The following IL1RAPL2 variants were observed in gnomAD, a reference collection of about 807,000 sequenced individuals.
The protein encoded by IL1RAPL2 is X-linked interleukin-1 receptor accessory protein-like 2.
In IL1RAPL2, 3 loss-of-function variants were observed where a neutral mutation model predicts 44.1. The ratio of observed to expected loss-of-function variants is 0.07; its 90% confidence interval spans 0.03 to 0.18. The LOEUF is 0.18. IL1RAPL2 is among the 10% of genes least tolerant of loss of function. The pLI, the probability that IL1RAPL2 is intolerant of heterozygous loss-of-function variation, is 1.00. For missense variants in IL1RAPL2, 391 were observed against 496.4 expected (o/e 0.79, Z 2.02); for synonymous variants, 181 against 178.8 (o/e 1.01, Z -0.10).
At chrX:105,012,649 A>T (rs868240962) in intron 2 of IL1RAPL2, among the ~76,000 whole-genome samples, 153 of 50,050 alleles carry the variant, frequency 3.1e-3, no homozygotes, top group Admixed American at 5.4e-3. Context: ...TCTCTCTCAC[A>T]CACACACACA....
chrX:104,813,850 A>G (rs1364359385), intron 2 of IL1RAPL2, among the ~76,000 whole-genome samples: 1 of 111,845 alleles, frequency 8.9e-6, no homozygotes, highest in African/African-American at 3.2e-5. Context: ...ATGCCAGTAA[A>G]GCAGCATTTG....
At chrX:104,914,309 G>A (rs750788069) in intron 2 of IL1RAPL2, among the ~76,000 whole-genome samples, 4 of 111,919 alleles carry the variant, frequency 3.6e-5, no homozygotes, top group African/African-American at 1.3e-4. Flanking sequence ...AGGGTAATGT[G>A]GGTTTGGAGT....
rs187920217 is a variant in IL1RAPL2 at position 105,405,915 on chromosome X, A to G, written c.698-78398A>G. 5.1e-6 allele frequency: 6 copies of G among 1,167,378 alleles called. No individual in the cohort carries two copies. In the East Asian group the frequency reaches 1.8e-4, roughly 35 times the overall value. On this transcript the variant is annotated intron_variant, in intron 5 of 10. Coordinates refer to ENST00000372582, the MANE Select transcript of IL1RAPL2 (RefSeq NM_017416.2). ...TGGACTGATTGATGATATTGCTTTG[A>G]TCAGGGATGATGATGTTTTGTTTGT...
At chrX:105,082,458 C>G (rs2032424059) in intron 2 of IL1RAPL2, among the ~76,000 whole-genome samples, 1 of 111,564 alleles carries the variant, frequency 9.0e-6, no homozygotes. Context: ...TACTAAGGAT[C>G]AGACTGCTTC....
intron 1 of IL1RAPL2, among the ~76,000 whole-genome samples, chrX:104,589,628 G>A (rs1928626523): frequency 8.9e-6 from 1 of 112,437 alleles, no homozygotes; most frequent in South Asian, 3.6e-4. Flanking sequence ...TTTGCGACAT[G>A]TAGGCATAAC....
At chrX:105,143,895 C>T (rs62603008) in intron 2 of IL1RAPL2, among the ~76,000 whole-genome samples, 217 of 109,632 alleles carry the variant, frequency 2.0e-3, no homozygotes, top group Admixed American at 2.8e-3. Flanking sequence ...TGTTAAACGA[C>T]GAGTTAATGG....
chrX:105,726,732 C>T (rs2038355124), intron 7 of IL1RAPL2, among the ~76,000 whole-genome samples: 1 of 110,979 alleles, frequency 9.0e-6, no homozygotes, highest in Non-Finnish European at 1.9e-5. Context: ...AACCCAGTCC[C>T]TAGTTAACCC....
chrX:105,013,177 A>G (rs2031096944), intron 2 of IL1RAPL2, among the ~76,000 whole-genome samples: 1 of 110,978 alleles, frequency 9.0e-6, no homozygotes, highest in Non-Finnish European at 1.9e-5. Flanking sequence ...AAGAGAAGAG[A>G]GTATATGTGT....
intron 3 of IL1RAPL2, among the ~76,000 whole-genome samples, chrX:105,223,557 T>G (rs1337913447): frequency 8.9e-6 from 1 of 112,133 alleles, no homozygotes; most frequent in African/African-American, 3.2e-5. Context: ...CCACTTCCGC[T>G]TATAAACACT....
At chrX:104,848,490 T>C (rs934451366) in intron 2 of IL1RAPL2, among the ~76,000 whole-genome samples, 4 of 102,333 alleles carry the variant, frequency 3.9e-5, no homozygotes, top group African/African-American at 1.4e-4. Context: ...AAATCTTGTT[T>C]TTATTGTTCT....
intron 2 of IL1RAPL2, among the ~76,000 whole-genome samples, chrX:104,781,905 A>G (rs1381214420): frequency 1.8e-5 from 2 of 111,373 alleles, no homozygotes; most frequent in Non-Finnish European, 3.8e-5. Context: ...GCATTTGAGA[A>G]TTGATTAAGT....
chrX:105,165,811 C>T (rs1163250917), intron 2 of IL1RAPL2, among the ~76,000 whole-genome samples: 5 of 111,692 alleles, frequency 4.5e-5, no homozygotes, highest in African/African-American at 1.6e-4. Context: ...CTGTATTCAT[C>T]TAGCTATTGG....
chrX:105,483,206 A>C (rs1248049336), intron 5 of IL1RAPL2, among the ~76,000 whole-genome samples: 1 of 109,690 alleles, frequency 9.1e-6, no homozygotes, highest in Non-Finnish European at 1.9e-5. Context: ...ACTTCCTTTG[A>C]GTCATTTTTT....
chrX:104,917,043 G>T (rs1007743286), intron 2 of IL1RAPL2, among the ~76,000 whole-genome samples: 1 of 111,525 alleles, frequency 9.0e-6, no homozygotes, highest in Non-Finnish European at 1.9e-5. Flanking sequence ...TTTTGGTTGT[G>T]TCTCTACCAG....
intron 4 of IL1RAPL2, among the ~76,000 whole-genome samples, chrX:105,251,800 T>C (rs1192561397): frequency 9.1e-6 from 1 of 110,210 alleles, no homozygotes; most frequent in African/African-American, 3.3e-5. Context: ...ACCCTAGACA[T>C]GTTATAAAAG....
intron 2 of IL1RAPL2, among the ~76,000 whole-genome samples, chrX:104,777,568 T>TATTATC (rs1932739187): frequency 9.9e-6 from 1 of 101,052 alleles, no homozygotes; most frequent in Non-Finnish European, 2.0e-5. Flanking sequence ...TTATTATTAT[T>TATTATC]ATTATTATTA....
chrX:105,303,784 A>G (rs921102267), intron 5 of IL1RAPL2, among the ~76,000 whole-genome samples: 7 of 112,236 alleles, frequency 6.2e-5, no homozygotes, highest in African/African-American at 9.7e-5. Context: ...TCTCCTTCCA[A>G]TTGGGGAAAA....
intron 2 of IL1RAPL2, among the ~76,000 whole-genome samples, chrX:104,722,475 G>A (rs1444124171): frequency 9.0e-6 from 1 of 110,870 alleles, no homozygotes; most frequent in Non-Finnish European, 1.9e-5. Context: ...AGGGAGACAG[G>A]GTCTATGTTT....
chrX:105,049,697 T>G (rs987779453), intron 2 of IL1RAPL2, among the ~76,000 whole-genome samples: 3 of 112,018 alleles, frequency 2.7e-5, no homozygotes, highest in African/African-American at 9.8e-5. Flanking sequence ...GCCACTTCAC[T>G]GAAGTGTTTA....
Sources: gnomAD v4.1 joint callset for allele counts (sites outside exome capture counted in the v4.1 genomes callset) on GRCh38, gnomAD v4.1.1 for gene constraint, MANE v1.5 for transcripts, NCBI Gene and HGNC (gene_info 2026-07-23, HGNC 2026-07-21) for gene names.